The following CCBE1 variants were observed in gnomAD, a reference collection of about 807,000 sequenced individuals.
CCBE1 encodes the protein collagen and calcium binding EGF domains 1, also known as collagen and calcium-binding EGF domain-containing protein 1.
Under a neutral mutation model 50.0 loss-of-function variants are expected in CCBE1, and 37 were observed. That is an observed-to-expected ratio of 0.74 (90% CI 0.57 to 0.97). The LOEUF (loss-of-function observed/expected upper bound fraction) is 0.97. CCBE1 is among the 50% of genes least tolerant of loss of function. The probability of loss-of-function intolerance (pLI) is 0.00; values close to 1 mark genes in which losing one functional copy is unlikely to be tolerated. For synonymous variants in CCBE1, 234 were observed against 203.7 expected, an observed-to-expected ratio of 1.15 and a Z score of -1.27; for missense variants, 538 against 523.8, an observed-to-expected ratio of 1.03 and a Z score of -0.26.
intron 2 of CCBE1, among the ~76,000 whole-genome samples, chr18:59,627,852 G>A (rs2053806600): frequency 6.6e-6 from 1 of 152,154 alleles, no homozygotes; most frequent in East Asian, 1.9e-4. Context: ...GTTGCCTTAA[G>A]TTTGTTACAG....
intron 2 of CCBE1, among the ~76,000 whole-genome samples, chr18:59,641,020 C>G (rs1270558625): frequency 1.3e-5 from 2 of 152,212 alleles, no homozygotes; most frequent in African/African-American, 4.8e-5. Context: ...CGCTCCTACA[C>G]TGCTAGTGGA....
chr18:59,452,952 G>A (rs1182017118), intron 6 of CCBE1, among the ~76,000 whole-genome samples: 2 of 151,802 alleles, frequency 1.3e-5, no homozygotes, highest in East Asian at 4.1e-4. Context: ...GGAGTATTAA[G>A]ATGACCTCGT....
chr18:59,504,961 T>C lies in CCBE1; in HGVS notation c.213-24723A>G, dbSNP rs187823191. Among the ~76,000 whole-genome samples the C allele has an allele frequency of 2.1e-3, 322 of 151,548 alleles. 1 individual carries two copies. Among genetic ancestry groups the C allele is most frequent in the Non-Finnish European group, 2.8e-3 (193 of 67,878 alleles). On this transcript the variant is annotated intron_variant, in intron 2 of 10. Coordinates refer to ENST00000439986, the MANE Select transcript of CCBE1 (RefSeq NM_133459.4). Reference sequence around the variant, plus strand: ...ATGGGAGGCAAAAAAACCCCAAGAGTCCAAACCTGGGCCATACCCCTGCCA... The same window carrying C: ...ATGGGAGGCAAAAAAACCCCAAGAGCCCAAACCTGGGCCATACCCCTGCCA...
chr18:59,524,301 C>T (rs1337343491), intron 2 of CCBE1, among the ~76,000 whole-genome samples: 1 of 152,176 alleles, frequency 6.6e-6, no homozygotes, highest in Non-Finnish European at 1.5e-5. Context: ...GCCTGGGTAA[C>T]AGAGCAAGAT....
chr18:59,697,460 T>A, upstream of CCBE1: 3 of 1,344,212 alleles, frequency 2.2e-6, no homozygotes, highest in Non-Finnish European at 2.0e-6. Context: ...AGCAGGGGCG[T>A]TTGCACCACC....
At chr18:59,653,978 G>A (rs1189140256) in intron 2 of CCBE1, among the ~76,000 whole-genome samples, 1 of 152,158 alleles carries the variant, frequency 6.6e-6, no homozygotes, top group Non-Finnish European at 1.5e-5. Flanking sequence ...TTTATAGCTA[G>A]AAGGCTTTAC....
chr18:59,627,446 C>G (rs891314), intron 2 of CCBE1, among the ~76,000 whole-genome samples: 1 of 152,074 alleles, frequency 6.6e-6, no homozygotes, highest in African/African-American at 2.4e-5. Flanking sequence ...ATACTGTGTC[C>G]CCCAAAAAGA....
intron 2 of CCBE1, among the ~76,000 whole-genome samples, chr18:59,600,272 T>C (rs1380079912): frequency 6.6e-6 from 1 of 151,742 alleles, no homozygotes; most frequent in Non-Finnish European, 1.5e-5. Flanking sequence ...GTGAGGGATG[T>C]AGGTTGCACA....
intron 2 of CCBE1, among the ~76,000 whole-genome samples, chr18:59,613,211 T>C (rs1425797883): frequency 2.0e-5 from 3 of 152,078 alleles, no homozygotes; most frequent in Admixed American, 6.6e-5. Flanking sequence ...AGAGGATAAC[T>C]ACGCAACTAC....
chr18:59,606,969 G>T (rs1231095668), intron 2 of CCBE1, among the ~76,000 whole-genome samples: 1 of 151,164 alleles, frequency 6.6e-6, no homozygotes, highest in African/African-American at 2.4e-5. Flanking sequence ...TAGACTGTCC[G>T]AGTCATGTCT....
intron 2 of CCBE1, among the ~76,000 whole-genome samples, chr18:59,499,548 AAGAG>A (rs941695254): frequency 1.1e-4 from 16 of 152,070 alleles, no homozygotes; most frequent in African/African-American, 3.9e-4. Flanking sequence ...GCAACAGGCA[AAGAG>A]AGAGAGAGCT....
chr18:59,582,340 T>C (rs1300998648), intron 2 of CCBE1, among the ~76,000 whole-genome samples: 5 of 152,192 alleles, frequency 3.3e-5, no homozygotes, highest in African/African-American at 1.2e-4. Flanking sequence ...TGATTTCTTC[T>C]AGGGTCTTAG....
chr18:59,623,329 T>A (rs1599073642), intron 2 of CCBE1, among the ~76,000 whole-genome samples: 1 of 152,216 alleles, frequency 6.6e-6, no homozygotes, highest in African/African-American at 2.4e-5. Flanking sequence ...TCTCCTCCCT[T>A]AATCAGTCAG....
At chr18:59,537,210 T>C (rs1370101936) in intron 2 of CCBE1, among the ~76,000 whole-genome samples, 2 of 152,174 alleles carry the variant, frequency 1.3e-5, no homozygotes, top group African/African-American at 2.4e-5. Flanking sequence ...ATCTTGTCTC[T>C]AAATTTCAAA....
intron 2 of CCBE1, among the ~76,000 whole-genome samples, chr18:59,578,023 C>T (rs2053024537): frequency 6.6e-6 from 1 of 152,096 alleles, no homozygotes; most frequent in Non-Finnish European, 1.5e-5. Flanking sequence ...AGTGAAGAGG[C>T]AACCTACAGA....
chr18:59,457,058 T>C (rs1327113334), intron 5 of CCBE1, among the ~76,000 whole-genome samples: 1 of 152,218 alleles, frequency 6.6e-6, no homozygotes, highest in Non-Finnish European at 1.5e-5. Context: ...AGGGTCAACA[T>C]AGCTCTTTAG....
intron 2 of CCBE1, among the ~76,000 whole-genome samples, chr18:59,564,470 T>C (rs1370884530): frequency 1.3e-5 from 2 of 152,260 alleles, no homozygotes; most frequent in Non-Finnish European, 2.9e-5. Context: ...TATGACTAGA[T>C]CATGGTCATT....
At chr18:59,511,837 G>A (rs1472849846) in intron 2 of CCBE1, among the ~76,000 whole-genome samples, 1 of 152,154 alleles carries the variant, frequency 6.6e-6, no homozygotes, top group Non-Finnish European at 1.5e-5. Flanking sequence ...ATCCATGTAA[G>A]TTGAAAAGCA....
chr18:59,455,327 CTG>C (rs1490882683), intron 5 of CCBE1: 7 of 356,344 alleles, frequency 2.0e-5, no homozygotes, highest in African/African-American at 1.5e-4. Flanking sequence ...TGTTCACACA[CTG>C]TAAATATTCC....
Sources: gnomAD v4.1 joint callset for allele counts (sites outside exome capture counted in the v4.1 genomes callset) on GRCh38, gnomAD v4.1.1 for gene constraint, MANE v1.5 for transcripts, NCBI Gene and HGNC (gene_info 2026-07-23, HGNC 2026-07-21) for gene names.